LRRC4C: variants seen among roughly 807,000 people sequenced by gnomAD.
LRRC4C encodes leucine-rich repeat-containing protein 4C.
In LRRC4C, 5 loss-of-function variants were observed where a neutral mutation model predicts 33.6. That is an observed-to-expected ratio of 0.15 (90% confidence interval 0.08 to 0.31). LRRC4C has a LOEUF of 0.31. LRRC4C is among the 10% of genes least tolerant of loss of function. LRRC4C has a pLI of 1.00. For synonymous variants in LRRC4C, 329 were observed against 302.0 expected, an observed-to-expected ratio of 1.09 and a Z score of -0.93; for missense variants, 560 against 796.7, an observed-to-expected ratio of 0.70 and a Z score of 3.58.
chr11:40,691,021 A>G (rs911059520), intron 2 of LRRC4C, among the ~76,000 whole-genome samples: 2 of 152,118 alleles, frequency 1.3e-5, no homozygotes, highest in Non-Finnish European at 2.9e-5. Context: ...ACATCTACCT[A>G]CAACCTGCTT....
chr11:41,233,568 A>G (rs1455133683), intron 1 of LRRC4C, among the ~76,000 whole-genome samples: 1 of 151,986 alleles, frequency 6.6e-6, no homozygotes. Flanking sequence ...ACATTACGAT[A>G]CTAATGGTTA....
At chr11:41,137,074 C>G (rs971029670) in intron 1 of LRRC4C, among the ~76,000 whole-genome samples, 1 of 151,960 alleles carries the variant, frequency 6.6e-6, no homozygotes, top group Non-Finnish European at 1.5e-5. Context: ...ATGGCGAAAC[C>G]CTGACCCTAG....
intron 2 of LRRC4C, among the ~76,000 whole-genome samples, chr11:40,857,735 C>T (rs965033881): frequency 6.6e-6 from 1 of 151,920 alleles, no homozygotes; most frequent in Admixed American, 6.6e-5. Flanking sequence ...GGCAGCATGG[C>T]AAATCCCTGT....
chr11:41,399,693 A>C (rs1274510300), intron 1 of LRRC4C, among the ~76,000 whole-genome samples: 1 of 151,944 alleles, frequency 6.6e-6, no homozygotes, highest in South Asian at 2.1e-4. Flanking sequence ...TTTTCACACT[A>C]AGGATTTTTT....
Position 40,289,047 on chromosome 11 carries a change from T to C in LRRC4C, c.-176+30581A>G, listed in dbSNP as rs78593530. On this transcript the variant is annotated intron_variant, in intron 4 of 6. Transcript: ENST00000528697. Reference sequence around the variant, plus strand: ...CTATACTCTTAGAAGAAAGTCATAATGCACAGTTTCTAGTATGAGGCAGCA... The same window carrying C: ...CTATACTCTTAGAAGAAAGTCATAACGCACAGTTTCTAGTATGAGGCAGCA... 6.6e-3 allele frequency among the ~76,000 whole-genome samples: 1,005 copies of C among 152,336 alleles called. 10 individuals are homozygous for C. The highest frequency in any genetic ancestry group is 0.022 in the African/African-American group (922 of 41,570).
At chr11:41,047,699 A>G (rs1458220858) in intron 1 of LRRC4C, among the ~76,000 whole-genome samples, 1 of 152,174 alleles carries the variant, frequency 6.6e-6, no homozygotes, top group South Asian at 2.1e-4. Flanking sequence ...TTAAAATCCA[A>G]TTCCTGGTAA....
At chr11:40,906,752 T>A (rs1002526552) in intron 2 of LRRC4C, among the ~76,000 whole-genome samples, 1 of 152,120 alleles carries the variant, frequency 6.6e-6, no homozygotes, top group African/African-American at 2.4e-5. Flanking sequence ...TAAATTCACA[T>A]GTATGTATTC....
intron 2 of LRRC4C, among the ~76,000 whole-genome samples, chr11:40,748,837 A>G (rs1202207835): frequency 6.6e-6 from 1 of 152,142 alleles, no homozygotes; most frequent in Non-Finnish European, 1.5e-5. Flanking sequence ...AGCTATACAT[A>G]TATTGATTAA....
intron 6 of LRRC4C, among the ~76,000 whole-genome samples, chr11:40,119,506 A>G (rs1855672431): frequency 1.3e-5 from 2 of 152,264 alleles, no homozygotes; most frequent in South Asian, 4.1e-4. Flanking sequence ...CTCTGTGAGA[A>G]CAGGGGCCAT....
chr11:40,493,055 T>C (rs906466754), intron 3 of LRRC4C, among the ~76,000 whole-genome samples: 1 of 151,344 alleles, frequency 6.6e-6, no homozygotes, highest in African/African-American at 2.4e-5. Context: ...TATAACTATA[T>C]GGTTACCATA....
chr11:41,143,195 A>G (rs1943585209), intron 1 of LRRC4C, among the ~76,000 whole-genome samples: 3 of 150,106 alleles, frequency 2.0e-5, no homozygotes. Flanking sequence ...CAGTACTGAA[A>G]TTTGACAAAA....
chr11:40,651,040 C>G (rs1161041129), intron 2 of LRRC4C, among the ~76,000 whole-genome samples: 2 of 152,170 alleles, frequency 1.3e-5, no homozygotes, highest in Non-Finnish European at 1.5e-5. Flanking sequence ...CTTAATAGAA[C>G]ATTTGCCAGT....
At chr11:41,179,505 T>C (rs1225098083) in intron 1 of LRRC4C, among the ~76,000 whole-genome samples, 1 of 152,182 alleles carries the variant, frequency 6.6e-6, no homozygotes, top group Non-Finnish European at 1.5e-5. Context: ...AACTATCTAA[T>C]TCACCCCAAC....
intron 1 of LRRC4C, among the ~76,000 whole-genome samples, chr11:41,409,197 A>T (rs1255257543): frequency 6.6e-6 from 1 of 152,166 alleles, no homozygotes; most frequent in African/African-American, 2.4e-5. Flanking sequence ...CACTTTTCCA[A>T]TTAACACAAC....
chr11:41,410,850 A>G (rs1158166975), intron 1 of LRRC4C, among the ~76,000 whole-genome samples: 2 of 152,048 alleles, frequency 1.3e-5, no homozygotes, highest in Non-Finnish European at 2.9e-5. Context: ...CCAGACAATA[A>G]TCCTTTATTA....
intron 3 of LRRC4C, among the ~76,000 whole-genome samples, chr11:40,378,968 GATTT>G (rs1344379444): frequency 6.6e-6 from 1 of 152,102 alleles, no homozygotes; most frequent in Non-Finnish European, 1.5e-5. Context: ...CAAAGCCATT[GATTT>G]ATTTAAATAT....
intron 4 of LRRC4C, among the ~76,000 whole-genome samples, chr11:40,316,666 T>C (rs965349116): frequency 6.6e-6 from 1 of 152,018 alleles, no homozygotes; most frequent in Non-Finnish European, 1.5e-5. Flanking sequence ...AAAATTTCTC[T>C]GAATATCCAA....
At chr11:40,368,436 A>C (rs1948309607) in intron 3 of LRRC4C, among the ~76,000 whole-genome samples, 1 of 152,130 alleles carries the variant, frequency 6.6e-6, no homozygotes, top group Non-Finnish European at 1.5e-5. Flanking sequence ...TCCATAATAA[A>C]GTTAACCATA....
intron 1 of LRRC4C, among the ~76,000 whole-genome samples, chr11:41,056,101 A>G (rs925724718): frequency 6.6e-6 from 1 of 152,138 alleles, no homozygotes; most frequent in Non-Finnish European, 1.5e-5. Flanking sequence ...CTCTAGAAAT[A>G]TCAATCACTC....
Sources: gnomAD v4.1 joint callset for allele counts (sites outside exome capture counted in the v4.1 genomes callset) on GRCh38, gnomAD v4.1.1 for gene constraint, MANE v1.5 for transcripts, NCBI Gene and HGNC (gene_info 2026-07-23, HGNC 2026-07-21) for gene names.